TSNAX: variants seen among roughly 807,000 people sequenced by gnomAD.
TSNAX encodes the protein translin-associated protein X.
Under a neutral mutation model 33.0 loss-of-function variants are expected in TSNAX, and 12 were observed. The ratio of observed to expected loss-of-function variants is 0.36; its 90% CI spans 0.23 to 0.59. The LOEUF (loss-of-function observed/expected upper bound fraction) is 0.59, where lower values mean the gene tolerates loss of function less well. Ranked by LOEUF, TSNAX falls within the 20% of genes least tolerant of loss-of-function variation. The pLI is 0.74. For synonymous variants in TSNAX, 110 were observed against 117.2 expected, an observed-to-expected ratio of 0.94 and a Z score of 0.40; for missense variants, 267 against 341.3, an observed-to-expected ratio of 0.78 and a Z score of 1.72.
chr1:231,559,509 T>C (rs1236822042), intron 4 of TSNAX, among the ~76,000 whole-genome samples: 4 of 152,124 alleles, frequency 2.6e-5, no homozygotes, highest in African/African-American at 9.7e-5. Context: ...TTTGTGTTTT[T>C]AGTAGAGACG....
At position 231,566,153 on chromosome 1, in the gene TSNAX, A is replaced by G. The variant is rs1661418126; in HGVS notation, c.*1248A>G. On this transcript the variant is annotated 3_prime_UTR_variant, in exon 6 of 6. Coordinates refer to ENST00000366639, the MANE Select transcript of TSNAX (RefSeq NM_005999.3). ...ATTTACTTTTAAATAATTATAATGA[A>G]GTTTTGAAATACTAAGTTAATCCAG... is the stretch of plus-strand genomic sequence containing the variant. 1 of 152,616 alleles carries G rather than the reference A, an allele frequency of 6.6e-6. No homozygotes were observed. Among genetic ancestry groups the G allele is most frequent in the Admixed American group, 6.5e-5 (1 of 15,278 alleles). 9.5% of individuals were successfully genotyped at this position (152,616 alleles called of 1,614,324 possible).
At chr1:231,530,985 T>G (rs1572095069) in intron 2 of TSNAX, among the ~76,000 whole-genome samples, 1 of 146,550 alleles carries the variant, frequency 6.8e-6, no homozygotes. Context: ...TGAGACAGAG[T>G]CTCTGTCACA....
chr1:231,560,707 C>T (rs111906720), intron 4 of TSNAX, among the ~76,000 whole-genome samples: 6 of 152,192 alleles, frequency 3.9e-5, no homozygotes, highest in African/African-American at 9.6e-5. Flanking sequence ...CGTGAGCCAC[C>T]GTGCCCGGCC....
intron 4 of TSNAX, among the ~76,000 whole-genome samples, chr1:231,549,816 C>T (rs1660180798): frequency 1.3e-5 from 2 of 152,118 alleles, no homozygotes; most frequent in African/African-American, 4.8e-5. Flanking sequence ...AAAGGTGCAC[C>T]GATTCCAAGA....
intron 5 of TSNAX, chr1:231,563,340 T>C (rs1345461615): frequency 6.6e-6 from 1 of 152,590 alleles, no homozygotes; most frequent in Non-Finnish European, 1.5e-5. Flanking sequence ...GATGATATCA[T>C]GATAGCAGCT....
At chr1:231,544,807 T>G (rs1659799706) in intron 4 of TSNAX, among the ~76,000 whole-genome samples, 1 of 152,256 alleles carries the variant, frequency 6.6e-6, no homozygotes, top group Non-Finnish European at 1.5e-5. Flanking sequence ...TTCAGTAGAT[T>G]ATTTCCTAAT....
chr1:231,561,710 A>G (rs1391844314), intron 5 of TSNAX, among the ~76,000 whole-genome samples: 1 of 152,216 alleles, frequency 6.6e-6, no homozygotes, highest in Non-Finnish European at 1.5e-5. Flanking sequence ...TTTGAATCCA[A>G]GCCTGTGCCC....
intron 2 of TSNAX, among the ~76,000 whole-genome samples, chr1:231,529,994 G>A (rs143616558): frequency 4.6e-5 from 7 of 152,338 alleles, no homozygotes; most frequent in African/African-American, 7.2e-5. Flanking sequence ...CTGAAGCCTT[G>A]ATTGGGGCTG....
Position 231,566,230 on chromosome 1 carries a change from G to C in TSNAX, c.*1325G>C, listed in dbSNP as rs1386069261. On this transcript the variant is annotated 3_prime_UTR_variant, in exon 6 of 6. Coordinates refer to ENST00000366639, the MANE Select transcript of TSNAX (RefSeq NM_005999.3). ...AAAGTTGCCAAAGAAGATGTATTATGAACAATTCAGCAATAAGACAATTGT... is the reference window on the plus strand; with the variant it reads ...AAAGTTGCCAAAGAAGATGTATTATCAACAATTCAGCAATAAGACAATTGT... 1.3e-5 allele frequency: 2 copies of C among 152,506 alleles called. No individual in the cohort carries two copies. Among genetic ancestry groups the C allele is most frequent in the Non-Finnish European group, 2.9e-5 (2 of 68,024 alleles). The allele number at this position is 152,506 out of a possible 1,614,324, so 9.4% of individuals were successfully genotyped here.
At chr1:231,563,964 A>C (rs1458073274) in intron 5 of TSNAX, among the ~76,000 whole-genome samples, 2 of 152,186 alleles carry the variant, frequency 1.3e-5, no homozygotes, top group South Asian at 4.1e-4. Flanking sequence ...TAAAGGACTA[A>C]TGAGTATATT....
At chr1:231,547,389 CTTTTTTTTTTTTTTT>C (rs71179784) in intron 4 of TSNAX, among the ~76,000 whole-genome samples, 2 of 104,692 alleles carry the variant, frequency 1.9e-5, no homozygotes, top group East Asian at 2.5e-4. Flanking sequence ...TTTTTTTTTT[CTTTTTTTTTTTTTTT>C]TTTTGAGATG....
At chr1:231,564,503 T>C in intron 5 of TSNAX, 25 bp from the exon 6 acceptor site, 1 of 1,368,964 alleles carries the variant, frequency 7.3e-7, no homozygotes, top group Non-Finnish European at 1.0e-6. Flanking sequence ...GTGTGTGTTT[T>C]TGTTTTGTTT....
At chr1:231,541,823 A>T (rs943645869) in intron 3 of TSNAX, among the ~76,000 whole-genome samples, 12 of 152,186 alleles carry the variant, frequency 7.9e-5, no homozygotes, top group African/African-American at 2.9e-4. Context: ...GTTTCCTCAC[A>T]TGCCTGCACT....
intron 4 of TSNAX, among the ~76,000 whole-genome samples, chr1:231,546,365 A>C (rs1374803620): frequency 6.6e-6 from 1 of 152,250 alleles, no homozygotes; most frequent in Non-Finnish European, 1.5e-5. Context: ...GCAAGTTTCC[A>C]GGAGCTATTT....
chr1:231,533,350 C>T (rs1345430072), intron 2 of TSNAX, among the ~76,000 whole-genome samples: 1 of 152,180 alleles, frequency 6.6e-6, no homozygotes, highest in Non-Finnish European at 1.5e-5. Context: ...ATCCACCCAC[C>T]TCAGCCTCCC....
At chr1:231,532,905 A>G (rs1340934179) in intron 2 of TSNAX, among the ~76,000 whole-genome samples, 2 of 152,182 alleles carry the variant, frequency 1.3e-5, no homozygotes, top group Admixed American at 1.3e-4. Context: ...CAGTACTTTT[A>G]GGTACAGACT....
chr1:231,537,773 G>A (rs1220307981), intron 3 of TSNAX, among the ~76,000 whole-genome samples: 2 of 151,700 alleles, frequency 1.3e-5, no homozygotes, highest in Non-Finnish European at 2.9e-5. Flanking sequence ...AAGTCTGTAG[G>A]GGTTGGGTGG....
chr1:231,532,398 G>T (rs981156150), intron 2 of TSNAX, among the ~76,000 whole-genome samples: 7 of 151,720 alleles, frequency 4.6e-5, no homozygotes, highest in African/African-American at 1.7e-4. Flanking sequence ...TCACTGTGTT[G>T]CCCCTGCTGG....
intron 4 of TSNAX, among the ~76,000 whole-genome samples, chr1:231,551,432 C>G (rs1660285645): frequency 6.6e-6 from 1 of 152,152 alleles, no homozygotes; most frequent in Admixed American, 6.5e-5. Flanking sequence ...TTTCAGCTTT[C>G]TTTCCTTTAG....
Sources: allele counts gnomAD v4.1 joint callset (sites outside exome capture counted in the v4.1 genomes callset), GRCh38; gene constraint gnomAD v4.1.1; transcripts MANE v1.5; gene names NCBI Gene and HGNC (gene_info 2026-07-23, HGNC 2026-07-21).